Variants in USP24 observed in about 807,000 individuals in gnomAD.
USP24 encodes the protein ubiquitin carboxyl-terminal hydrolase 24.
In USP24, 97 loss-of-function variants were observed where a neutral mutation model predicts 361.6. That is an observed-to-expected ratio of 0.27 (90% confidence interval 0.23 to 0.32). The LOEUF is 0.32. Among genes scored for constraint, USP24 ranks in the 10% least tolerant of loss-of-function variants. USP24 has a pLI of 1.00. For synonymous variants in USP24, 1,098 were observed against 1,124.6 expected (o/e 0.98, Z 0.47); for missense variants, 2,353 against 3,165.6 (o/e 0.74, Z 6.16).
At chr1:55,116,557 A>C (rs1646122138) in intron 38 of USP24, among the ~76,000 whole-genome samples, 1 of 152,090 alleles carries the variant, frequency 6.6e-6, no homozygotes, top group South Asian at 2.1e-4. Flanking sequence ...CAACAAATTA[A>C]CCTAGATGAA....
At chr1:55,148,441 T>C in intron 17 of USP24, 22 bp downstream of exon 17, 3 of 1,513,442 alleles carry the variant, frequency 2.0e-6, no homozygotes, top group South Asian at 2.5e-5. Context: ...ACTATAATAA[T>C]AAAAAATAGC....
chr1:55,138,391 T>C (rs1646795949), intron 26 of USP24, among the ~76,000 whole-genome samples: 1 of 152,160 alleles, frequency 6.6e-6, no homozygotes, highest in African/African-American at 2.4e-5. Flanking sequence ...TGCTTTACTC[T>C]TATTTGTTCT....
intron 39 of USP24, among the ~76,000 whole-genome samples, chr1:55,109,858 A>G (rs912284237): frequency 6.6e-6 from 1 of 152,208 alleles, no homozygotes; most frequent in Non-Finnish European, 1.5e-5. Flanking sequence ...CTTTCCTTCA[A>G]CAATCAACCT....
At position 55,166,611 on chromosome 1, in the gene USP24, A is replaced by G; in HGVS notation, c.826-8T>C. 6.3e-7 allele frequency: 1 copy of G among 1,587,948 alleles called. No homozygotes were observed. The highest frequency in any genetic ancestry group is 8.6e-7 in the Non-Finnish European group (1 of 1,166,618). On this transcript the variant is annotated splice_polypyrimidine_tract_variant and splice_region_variant and intron_variant, in intron 5 of 67. Transcript: ENST00000294383. ...AACCCATCCATGAGGCTCCTATGAGAAAAGAAAAACAAAATTGAGATGGCA... is the reference window on the plus strand; with the variant it reads ...AACCCATCCATGAGGCTCCTATGAGGAAAGAAAAACAAAATTGAGATGGCA...
rs557737244 is a variant in USP24 at position 55,193,497 on chromosome 1, T to C, written c.325-15365A>G. Among the ~76,000 whole-genome samples, 3 of 152,284 alleles carry C rather than the reference T, an allele frequency of 2.0e-5. No individual in the cohort carries two copies. In the South Asian group the frequency reaches 6.2e-4, roughly 32 times the overall value. ...AGGTTTGGGACATACAGATCATCGATTCCAGGATCCAAAAAGTAGGTAGCT... is the reference window on the plus strand; with the variant it reads ...AGGTTTGGGACATACAGATCATCGACTCCAGGATCCAAAAAGTAGGTAGCT... On this transcript the variant is annotated intron_variant, in intron 1 of 67. Transcript: ENST00000294383.
intron 27 of USP24, 25 bp from the exon 28 acceptor site, chr1:55,137,713 T>C (rs368115695): frequency 3.1e-6 from 5 of 1,602,624 alleles, no homozygotes; most frequent in African/African-American, 2.7e-5. Flanking sequence ...TTCTTAATTA[T>C]TGAGAGGAAA....
At chr1:55,139,202 T>C (rs1273418341) in intron 24 of USP24, among the ~76,000 whole-genome samples, 192 bp from the exon 25 acceptor site, 1 of 152,204 alleles carries the variant, frequency 6.6e-6, no homozygotes, top group Non-Finnish European at 1.5e-5. Flanking sequence ...AGCATACAGA[T>C]GGAATAAGGG....
At position 55,113,488 on chromosome 1, in the gene USP24, T is replaced by C. The variant is rs983346139; in HGVS notation, c.4509-3242A>G. On this transcript the variant is annotated intron_variant, in intron 38 of 67. Transcript: ENST00000294383. ...GCTGGTACCATTCCTTCTGAAACTA[T>C]TCCAAGCAACAGAAAAAGAGGGACA... 3.9e-5 allele frequency among the ~76,000 whole-genome samples: 6 copies of C among 152,158 alleles called. No homozygotes were observed. The East Asian group carries it at 1.2e-3, about 29-fold the overall frequency.
In USP24 at chr1:55,096,552, T is replaced by C. The variant is rs773073230; in HGVS notation, c.6007A>G (p.Thr2003Ala). ...CCTCCAAAGCATTCATACTCCAGGG[T>C]CTCGTCATTTAGGTCAAATTCTTCT... Reference protein sequence around the residue: ...VIEEFDLNDETLEYECFGGEY... With the variant: ...VIEEFDLNDEALEYECFGGEY... Residue 2003 changes from threonine to alanine, a missense_variant, in exon 50 of 68, where the codon ACC becomes GCC. Physicochemically the swap from Thr to Ala is moderately conservative, Grantham distance 58 (BLOSUM62 0). Coordinates refer to ENST00000294383, the MANE Select transcript of USP24 (RefSeq NM_015306.3). 74 of 1,613,028 alleles carry C rather than the reference T, an allele frequency of 4.6e-5. No homozygotes were observed. Among genetic ancestry groups the C allele is most frequent in the Non-Finnish European group, 6.2e-5 (73 of 1,179,580 alleles).
intron 44 of USP24, 54 bp from the exon 45 acceptor site, chr1:55,099,923 G>C: frequency 2.3e-6 from 3 of 1,308,548 alleles, no homozygotes; most frequent in Non-Finnish European, 3.2e-6. Context: ...TTCTGAATGT[G>C]GTAGAAAGGG....
chr1:55,124,554 C>T lies in USP24; in HGVS notation c.4035G>A (p.Arg1345=), dbSNP rs1285144155. The T allele has an allele frequency of 6.2e-7, 1 of 1,613,904 alleles. No individual in the cohort carries two copies. Among genetic ancestry groups the T allele is most frequent in the Non-Finnish European group, 8.5e-7 (1 of 1,179,860 alleles). The change falls in exon 35 of 68, where the codon CGG becomes CGA. Residue 1345 remains arginine (R), a synonymous_variant. Transcript: ENST00000294383. ...MRLSWAAAAG[R]LDLVGSSQPI... is the part of the protein sequence containing the mutation. The stretch of plus-strand genomic sequence containing the variant: ...GCTGGCTACTCCCAACAAGATCAAG[C>T]CGTCCTGCAGCCGCAGCCCATGACA...
At chr1:55,214,716 C>G (rs1429429973) in intron 1 of USP24, 74 bp downstream of exon 1, 3 of 1,101,396 alleles carry the variant, frequency 2.7e-6, no homozygotes, top group Non-Finnish European at 3.4e-6. Context: ...ACACCAAGCC[C>G]AGCGGGGTGT....
At chr1:55,148,377 C>G in intron 17 of USP24, 86 bp downstream of exon 17, 1 of 956,092 alleles carries the variant, frequency 1.0e-6, no homozygotes, top group Non-Finnish European at 1.6e-6. Flanking sequence ...AAGATAGTGA[C>G]TATAAACTCA....
intron 1 of USP24, among the ~76,000 whole-genome samples, chr1:55,211,749 C>T (rs1409883781): frequency 6.6e-6 from 1 of 152,210 alleles, no homozygotes; most frequent in Non-Finnish European, 1.5e-5. Flanking sequence ...AAGAGAAAAC[C>T]ATTGCTATCC....
At chr1:55,132,455 C>A in intron 31 of USP24, 90 bp downstream of exon 31, 1 of 1,400,088 alleles carries the variant, frequency 7.1e-7, no homozygotes. Flanking sequence ...TAACAGAAAC[C>A]TATTTACTTA....
rs375923139 is a variant in USP24 at position 55,127,125 on chromosome 1, G to T, written c.3636-1367C>A. 6.6e-5 allele frequency among the ~76,000 whole-genome samples: 10 copies of T among 151,782 alleles called. No individual in the cohort carries two copies. The East Asian group carries it at 9.7e-4, about 15-fold the overall frequency. On this transcript the variant is annotated intron_variant, in intron 32 of 67. Coordinates refer to ENST00000294383, the MANE Select transcript of USP24 (RefSeq NM_015306.3). ...GTATATGTGCACAATGTGCAGGTTA[G>T]TTACATATGTATATATGTGCCATGC... is the stretch of plus-strand genomic sequence containing the variant.
intron 63 of USP24, 37 bp downstream of exon 63, chr1:55,075,420 A>G: frequency 6.5e-7 from 1 of 1,543,558 alleles, no homozygotes; most frequent in Non-Finnish European, 8.8e-7. Context: ...CCACATATTT[A>G]CTATAGACAT....
At chr1:55,209,407 T>C (rs762517721) in intron 1 of USP24, among the ~76,000 whole-genome samples, 2 of 152,164 alleles carry the variant, frequency 1.3e-5, no homozygotes, top group Non-Finnish European at 1.5e-5. Context: ...AAACACATAA[T>C]AAAGCTGTTT....
chr1:55,108,290 G>A (rs1024094549), intron 39 of USP24, among the ~76,000 whole-genome samples: 1 of 152,118 alleles, frequency 6.6e-6, no homozygotes, highest in Non-Finnish European at 1.5e-5. Flanking sequence ...TTCAAACAAG[G>A]ACTTAAAGCA....
Sources: allele counts gnomAD v4.1 joint callset (sites outside exome capture counted in the v4.1 genomes callset), GRCh38; gene constraint gnomAD v4.1.1; transcripts MANE v1.5; gene names NCBI Gene and HGNC (gene_info 2026-07-23, HGNC 2026-07-21).